PCDH9: variants seen among roughly 807,000 people sequenced by gnomAD.
The protein encoded by PCDH9 is protocadherin 9.
A neutral mutation model predicts 70.6 loss-of-function variants in PCDH9; 24 were observed. That is an observed-to-expected ratio of 0.34 (90% CI 0.25 to 0.48). The LOEUF is 0.48. Ranked by LOEUF, PCDH9 falls within the 20% of genes least tolerant of loss-of-function variation. The pLI, the probability that PCDH9 is intolerant of heterozygous loss-of-function variation, is 0.99. For missense variants in PCDH9, 1,281 were observed against 1,503.6 expected, an observed-to-expected ratio of 0.85 and a Z score of 2.45; for synonymous variants, 562 against 558.5, an observed-to-expected ratio of 1.01 and a Z score of -0.09.
At chr13:66,881,947 G>C (rs1013952823) in intron 3 of PCDH9, among the ~76,000 whole-genome samples, 1 of 152,242 alleles carries the variant, frequency 6.6e-6, no homozygotes, top group South Asian at 2.1e-4. Context: ...TCTTAATTTA[G>C]TAGTGACATT....
intron 2 of PCDH9, among the ~76,000 whole-genome samples, chr13:67,174,321 A>G (rs918804219): frequency 6.6e-6 from 1 of 151,548 alleles, no homozygotes; most frequent in Admixed American, 6.6e-5. Flanking sequence ...ATAGATACAT[A>G]CATACATACA....
rs956042507 is a variant in PCDH9, at chr13:66,716,350, T to C, written c.3139-84939A>G. Among the ~76,000 whole-genome samples, 6 of 152,308 alleles carry C rather than the reference T, an allele frequency of 3.9e-5. No homozygotes were observed. The East Asian group carries it at 1.2e-3, about 29-fold the overall frequency. The stretch of plus-strand genomic sequence containing the variant: ...GCTTAGGTTTAGACAAATTAATGTA[T>C]GTAATTCATTGGCTTGTTTACTAAT... On this transcript the variant is annotated intron_variant, in intron 3 of 4. Transcript: ENST00000377865.
intron 4 of PCDH9, among the ~76,000 whole-genome samples, chr13:66,359,424 C>T (rs965448134): frequency 6.6e-6 from 1 of 151,756 alleles, no homozygotes; most frequent in Non-Finnish European, 1.5e-5. Flanking sequence ...GTTGTTTTTT[C>T]CTCCCCAGGA....
intron 2 of PCDH9, among the ~76,000 whole-genome samples, chr13:67,011,540 A>G (rs866444841): frequency 6.6e-6 from 1 of 151,822 alleles, no homozygotes. Flanking sequence ...CAAAAATGAA[A>G]TATCTTCTGT....
chr13:66,438,803 G>A (rs879686497), intron 4 of PCDH9, among the ~76,000 whole-genome samples: 3 of 152,128 alleles, frequency 2.0e-5, no homozygotes, highest in Admixed American at 2.0e-4. Context: ...GATACAAAAA[G>A]GAATAAATGG....
chr13:66,876,986 T>C (rs1481630880), intron 3 of PCDH9: 1 of 151,964 alleles, frequency 6.6e-6, no homozygotes, highest in Non-Finnish European at 1.5e-5. Flanking sequence ...GTAGATTAAA[T>C]ACGACAATGT....
intron 3 of PCDH9, among the ~76,000 whole-genome samples, chr13:66,902,021 A>G (rs2082283921): frequency 6.6e-6 from 1 of 151,624 alleles, no homozygotes; most frequent in African/African-American, 2.4e-5. Flanking sequence ...TTATGAGAAA[A>G]AATTTTTCTC....
At chr13:66,430,834 C>T (rs1427748537) in intron 4 of PCDH9, among the ~76,000 whole-genome samples, 2 of 152,044 alleles carry the variant, frequency 1.3e-5, no homozygotes, top group Non-Finnish European at 1.5e-5. Context: ...CACAAAGGGT[C>T]TGTAGTGTGG....
intron 4 of PCDH9, among the ~76,000 whole-genome samples, chr13:66,438,277 C>T (rs1957913262): frequency 6.6e-6 from 1 of 151,000 alleles, no homozygotes; most frequent in Admixed American, 6.6e-5. Flanking sequence ...TTCAATTTAA[C>T]TCTATTATAA....
chr13:66,570,542 A>T (rs1183872706), intron 4 of PCDH9, among the ~76,000 whole-genome samples: 2 of 152,170 alleles, frequency 1.3e-5, no homozygotes, highest in African/African-American at 4.8e-5. Context: ...AAACTAGGAA[A>T]AGTGGACTAG....
chr13:66,874,508 T>A (rs1272599351), intron 3 of PCDH9, among the ~76,000 whole-genome samples: 3 of 152,146 alleles, frequency 2.0e-5, no homozygotes, highest in African/African-American at 7.2e-5. Context: ...CAGTCATTAA[T>A]TAAAATAAGG....
At chr13:66,784,389 G>C (rs2080047071) in intron 3 of PCDH9, among the ~76,000 whole-genome samples, 1 of 151,960 alleles carries the variant, frequency 6.6e-6, no homozygotes, top group Non-Finnish European at 1.5e-5. Context: ...AGTTGTAAAA[G>C]CCCTCCTAGG....
intron 4 of PCDH9, among the ~76,000 whole-genome samples, chr13:66,579,595 G>C (rs986027755): frequency 3.9e-5 from 6 of 152,032 alleles, no homozygotes; most frequent in African/African-American, 1.4e-4. Context: ...ACTACCAATA[G>C]CAATCATTGT....
chr13:66,395,463 C>T (rs1372118395), intron 4 of PCDH9, among the ~76,000 whole-genome samples: 3 of 151,752 alleles, frequency 2.0e-5, no homozygotes, highest in South Asian at 2.1e-4. Context: ...TAGCAGGGCA[C>T]GGTGGCACGC....
At chr13:66,842,310 A>G (rs1366737384) in intron 3 of PCDH9, among the ~76,000 whole-genome samples, 1 of 152,212 alleles carries the variant, frequency 6.6e-6, no homozygotes, top group South Asian at 2.1e-4. Context: ...ATACTGAAAA[A>G]GAAAATTTAT....
chr13:67,046,008 C>T (rs1005946583), intron 2 of PCDH9, among the ~76,000 whole-genome samples: 1 of 152,134 alleles, frequency 6.6e-6, no homozygotes, highest in African/African-American at 2.4e-5. Context: ...TCCTCTCATT[C>T]ACCCCAAATA....
chr13:66,409,861 C>T (rs1370248967), intron 4 of PCDH9, among the ~76,000 whole-genome samples: 1 of 152,154 alleles, frequency 6.6e-6, no homozygotes, highest in African/African-American at 2.4e-5. Flanking sequence ...ACAACCTTCC[C>T]TGCCCCAAAT....
intron 2 of PCDH9, among the ~76,000 whole-genome samples, chr13:67,119,168 G>GT (rs369229384): frequency 6.6e-6 from 1 of 152,034 alleles, no homozygotes; most frequent in Non-Finnish European, 1.5e-5. Context: ...ATGTTTAGAA[G>GT]TTTTTTTCTT....
intron 4 of PCDH9, among the ~76,000 whole-genome samples, chr13:66,392,476 T>C (rs530371766): frequency 6.6e-6 from 1 of 152,176 alleles, no homozygotes; most frequent in East Asian, 1.9e-4. Flanking sequence ...AAAGTCATAA[T>C]ACTACCATTC....
Sources: allele counts gnomAD v4.1 joint callset (sites outside exome capture counted in the v4.1 genomes callset), GRCh38; gene constraint gnomAD v4.1.1; transcripts MANE v1.5; gene names NCBI Gene and HGNC (gene_info 2026-07-23, HGNC 2026-07-21).